PPM1L: variants seen among roughly 807,000 people sequenced by gnomAD.
The protein encoded by PPM1L is protein phosphatase, Mg2+/Mn2+ dependent 1L.
A neutral mutation model predicts 31.4 loss-of-function variants in PPM1L; 13 were observed. That is an observed-to-expected ratio of 0.41 (90% CI 0.27 to 0.66). The LOEUF is 0.66. Ranked by LOEUF, PPM1L falls within the 30% of genes least tolerant of loss-of-function variation. The pLI is 0.29. For synonymous variants in PPM1L, 184 were observed against 175.4 expected (o/e 1.05, Z -0.39); for missense variants, 326 against 453.7 (o/e 0.72, Z 2.56).
At chr3:160,847,544 C>T (rs1714119505) in intron 1 of PPM1L, among the ~76,000 whole-genome samples, 1 of 152,116 alleles carries the variant, frequency 6.6e-6, no homozygotes, top group African/African-American at 2.4e-5. Flanking sequence ...ATCTCAGGAA[C>T]CCTTCTGCCC....
At chr3:160,984,308 T>C (rs900974012) in intron 2 of PPM1L, among the ~76,000 whole-genome samples, 1 of 152,202 alleles carries the variant, frequency 6.6e-6, no homozygotes, top group African/African-American at 2.4e-5. Context: ...GATACTTCTC[T>C]TACCCATTTT....
chr3:160,849,982 T>G (rs1202494104), intron 1 of PPM1L, among the ~76,000 whole-genome samples: 1 of 152,070 alleles, frequency 6.6e-6, no homozygotes, highest in African/African-American at 2.4e-5. Context: ...ACCAGCTGAG[T>G]GTCTTACAAT....
At position 160,827,447 on chromosome 3, in the gene PPM1L, T is replaced by TTGTGTGTGTGTGTGTG. The variant is rs59524935; in HGVS notation, c.399+70762_399+70777dup. 3.4e-3 allele frequency among the ~76,000 whole-genome samples: 482 copies of TTGTGTGTGTGTGTGTG among 141,426 alleles called. 2 individuals carry two copies. The highest frequency in any genetic ancestry group is 5.1e-3 in the Admixed American group (72 of 14,172). The allele number at this position is 141,426 out of a possible 152,430, so 92.8% of individuals were successfully genotyped here. ...ATTGGGAAAGTGTTTTGATATAAGT[T>TTGTGTGTGTGTGTGTG]TGTGTGTGTGTGTGTGTGTGTGTGT... On this transcript the variant is annotated intron_variant, in intron 1 of 3. Coordinates refer to ENST00000498165, the MANE Select transcript of PPM1L (RefSeq NM_139245.4).
chr3:160,880,752 G>A (rs1031156544), intron 1 of PPM1L, among the ~76,000 whole-genome samples: 4 of 151,964 alleles, frequency 2.6e-5, no homozygotes, highest in Non-Finnish European at 5.9e-5. Context: ...CTCACCTGCC[G>A]AAAGTTTAAC....
rs1441935703 is a variant in PPM1L, at chr3:160,961,849, G to A, written c.513G>A (p.Gln171=). The A allele has an allele frequency of 6.3e-7, 1 of 1,596,538 alleles. No individual in the cohort carries two copies. Among genetic ancestry groups the A allele is most frequent in the East Asian group, 2.3e-5 (1 of 43,776 alleles). Reference sequence around the variant, plus strand: ...TATCTTACCAGACCATCCTTGAACAGCAGATTTTGTCAATTGACCGAGAAA... The same window carrying A: ...TATCTTACCAGACCATCCTTGAACAACAGATTTTGTCAATTGACCGAGAAA... ...SVLSYQTILE[Q]QILSIDREML... Residue 171 remains glutamine (Q), a synonymous_variant, in exon 2 of 4, where the codon CAG becomes CAA. Transcript: ENST00000498165.
intron 2 of PPM1L, among the ~76,000 whole-genome samples, chr3:160,983,888 T>C (rs948194336): frequency 6.6e-6 from 1 of 152,108 alleles, no homozygotes; most frequent in African/African-American, 2.4e-5. Flanking sequence ...TTATTAGTGA[T>C]TTTCAAAAGG....
At chr3:160,771,570 T>TAA (rs1164086246) in intron 1 of PPM1L, among the ~76,000 whole-genome samples, 1,576 of 139,318 alleles carry the variant, frequency 0.011, 41 homozygotes, top group African/African-American at 0.041. Context: ...TTTTTTTTTT[T>TAA]AAAAAGAGCA....
In PPM1L at chr3:160,937,221, C is replaced by T. The variant is rs375941229; in HGVS notation, c.400-24515C>T. ...TCTATGAATATATTCTAATAAAATA[C>T]GTTTCCCAGGAGCTGGTTAAATAAT... On this transcript the variant is annotated intron_variant, in intron 1 of 3. Transcript: ENST00000498165. Among the ~76,000 whole-genome samples the T allele has an allele frequency of 1.3e-3, 204 of 152,278 alleles. 2 individuals carry two copies. Among genetic ancestry groups the T allele is most frequent in the African/African-American group, 4.7e-3 (194 of 41,558 alleles).
chr3:160,850,884 T>TGGGG (rs397991501), intron 1 of PPM1L, among the ~76,000 whole-genome samples: 8 of 137,626 alleles, frequency 5.8e-5, no homozygotes, highest in African/African-American at 2.1e-4. Flanking sequence ...TTTTTTTTGG[T>TGGGG]GGGGGGGGGG....
chr3:160,799,794 A>G (rs924580220), intron 1 of PPM1L, among the ~76,000 whole-genome samples: 2 of 152,172 alleles, frequency 1.3e-5, no homozygotes, highest in Non-Finnish European at 2.9e-5. Flanking sequence ...TGTTACCACT[A>G]TATATAAAAT....
rs3063236 is a variant in PPM1L at position 160,920,586 on chromosome 3, TTCTCTCTCTCTC to T, written c.400-41131_400-41120del. The stretch of plus-strand genomic sequence containing the variant: ...CAGCAACTGCACTTATGCATTTAGT[TTCTCTCTCTCTC>T]TCTCTCTCTCTCTCTCTCACACACA... On this transcript the variant is annotated intron_variant, in intron 1 of 3. Coordinates refer to ENST00000498165, the MANE Select transcript of PPM1L (RefSeq NM_139245.4). Among the ~76,000 whole-genome samples, 226 of 120,370 alleles carry T rather than the reference TTCTCTCTCTCTC, an allele frequency of 1.9e-3. 2 individuals are homozygous for T. Among genetic ancestry groups the T allele is most frequent in the African/African-American group, 7.3e-3 (210 of 28,838 alleles). The allele number at this position is 120,370 out of a possible 152,430, so 79.0% of individuals were successfully genotyped here.
chr3:160,903,045 G>A (rs567207673), intron 1 of PPM1L, among the ~76,000 whole-genome samples: 1 of 152,196 alleles, frequency 6.6e-6, no homozygotes, highest in South Asian at 2.1e-4. Context: ...TTAAAAAGGT[G>A]GATAGTAATA....
At chr3:160,982,600 C>T (rs1331222528) in intron 2 of PPM1L, among the ~76,000 whole-genome samples, 3 of 152,210 alleles carry the variant, frequency 2.0e-5, no homozygotes, top group East Asian at 1.9e-4. Context: ...AATGTTCGAC[C>T]CAGCAGTTGC....
intron 1 of PPM1L, among the ~76,000 whole-genome samples, chr3:160,891,504 T>C (rs1318816710): frequency 2.6e-5 from 4 of 152,174 alleles, no homozygotes; most frequent in African/African-American, 9.7e-5. Context: ...CAATAGATGC[T>C]GGCAAGGCTG....
chr3:160,847,883 G>A (rs1205937608), intron 1 of PPM1L, among the ~76,000 whole-genome samples: 1 of 152,048 alleles, frequency 6.6e-6, no homozygotes, highest in Non-Finnish European at 1.5e-5. Context: ...CTCCTTCCTC[G>A]GGTCTCAGCT....
intron 2 of PPM1L, among the ~76,000 whole-genome samples, chr3:160,997,011 C>T (rs1717346082): frequency 6.6e-6 from 1 of 152,034 alleles, no homozygotes; most frequent in Non-Finnish European, 1.5e-5. Context: ...GAGTGAGGAA[C>T]AGTGAAACAG....
Position 161,068,682 on chromosome 3 carries a change from T to C in PPM1L, c.737-129T>C, listed in dbSNP as rs937047693. On this transcript the variant is annotated intron_variant, in intron 3 of 3. Coordinates refer to ENST00000498165, the MANE Select transcript of PPM1L (RefSeq NM_139245.4). ...GCCATGCAGTGGGTCCCAGGAGTGA[T>C]GGGGTTAAGGGGAGTGCCCACAGCC... The C allele has an allele frequency of 2.2e-5, 15 of 695,140 alleles. No individual in the cohort carries two copies. The Admixed American group carries it at 2.6e-4, about 12-fold the overall frequency. The allele number at this position is 695,140 out of a possible 1,614,324, so 43.1% of individuals were successfully genotyped here.
chr3:160,974,204 A>G (rs905533957), intron 2 of PPM1L, among the ~76,000 whole-genome samples: 1 of 151,690 alleles, frequency 6.6e-6, no homozygotes, highest in Non-Finnish European at 1.5e-5. Flanking sequence ...CATGAACTCA[A>G]CATTTTTTAT....
At chr3:160,770,904 C>G (rs2108060726) in intron 1 of PPM1L, among the ~76,000 whole-genome samples, 1 of 152,266 alleles carries the variant, frequency 6.6e-6, no homozygotes, top group Admixed American at 6.5e-5. Flanking sequence ...GGAGGAGTCT[C>G]ATACTGAGTG....
Sources: allele counts gnomAD v4.1 joint callset (sites outside exome capture counted in the v4.1 genomes callset), GRCh38; gene constraint gnomAD v4.1.1; transcripts MANE v1.5; gene names NCBI Gene and HGNC (gene_info 2026-07-23, HGNC 2026-07-21).